The following PLEKHA5 variants were observed in gnomAD, a reference collection of about 807,000 sequenced individuals.
The protein encoded by PLEKHA5 is pleckstrin homology domain-containing family A member 5.
Under a neutral mutation model 181.9 loss-of-function variants are expected in PLEKHA5, and 55 were observed. The observed-to-expected ratio is 0.30, with a 90% CI of 0.24 to 0.38. The LOEUF (loss-of-function observed/expected upper bound fraction) is 0.38. Among genes scored for constraint, PLEKHA5 ranks in the 10% least tolerant of loss-of-function variants. PLEKHA5 has a pLI of 1.00. For synonymous variants in PLEKHA5, 535 were observed against 529.4 expected (o/e 1.01, Z -0.15); for missense variants, 1,432 against 1,549.5 (o/e 0.92, Z 1.27).
chr12:19,209,920 T>C (rs2056570617), intron 3 of PLEKHA5, among the ~76,000 whole-genome samples: 1 of 152,180 alleles, frequency 6.6e-6, no homozygotes, highest in South Asian at 2.1e-4. Flanking sequence ...ACAACAATGC[T>C]CCTGCTCATT....
chr12:19,209,185 A>G (rs1213632110), intron 3 of PLEKHA5, among the ~76,000 whole-genome samples: 1 of 152,140 alleles, frequency 6.6e-6, no homozygotes, highest in Non-Finnish European at 1.5e-5. Flanking sequence ...CTAAAATTGA[A>G]GGAAGAATAA....
intron 26 of PLEKHA5, 102 bp downstream of exon 26, chr12:19,354,104 A>T (rs962199897): frequency 1.2e-5 from 6 of 486,532 alleles, no homozygotes; most frequent in African/African-American, 1.2e-4. Context: ...ATTTTTGCAT[A>T]CTCAAAGAAA....
intron 18 of PLEKHA5, among the ~76,000 whole-genome samples, chr12:19,321,406 C>T (rs372001417): frequency 1.7e-3 from 205 of 124,064 alleles, no homozygotes; most frequent in Middle Eastern, 7.6e-3. Context: ...CTCTGTCACC[C>T]GGGTTGGAGT....
At chr12:19,143,188 T>A (rs565740506) in intron 3 of PLEKHA5, among the ~76,000 whole-genome samples, 1 of 152,214 alleles carries the variant, frequency 6.6e-6, no homozygotes, top group South Asian at 2.1e-4. Context: ...TTTTAATTTC[T>A]TGAGGAACCT....
chr12:19,239,145 A>C (rs2061971345), intron 3 of PLEKHA5, among the ~76,000 whole-genome samples: 1 of 152,206 alleles, frequency 6.6e-6, no homozygotes, highest in Non-Finnish European at 1.5e-5. Flanking sequence ...CAACACGAAG[A>C]AATGAATTGG....
intron 3 of PLEKHA5, among the ~76,000 whole-genome samples, chr12:19,164,779 TG>T (rs2043888489): frequency 2.6e-5 from 4 of 152,324 alleles, no homozygotes; most frequent in Non-Finnish European, 4.4e-5. Flanking sequence ...TCTTTCAATA[TG>T]TATCATCCAC....
intron 18 of PLEKHA5, 123 bp downstream of exon 18, chr12:19,320,747 C>T (rs2090440504): frequency 1.9e-6 from 1 of 526,032 alleles, no homozygotes; most frequent in Non-Finnish European, 3.4e-6. Flanking sequence ...CAGGTAAATT[C>T]ATATTTTATG....
At chr12:19,233,793 T>C (rs2060981745) in intron 3 of PLEKHA5, among the ~76,000 whole-genome samples, 1 of 152,232 alleles carries the variant, frequency 6.6e-6, no homozygotes, top group Non-Finnish European at 1.5e-5. Context: ...CTGGATTTTT[T>C]CTGTGGCTTT....
chr12:19,373,105 T>C (rs2095625135), intron 31 of PLEKHA5: 1 of 152,132 alleles, frequency 6.6e-6, no homozygotes, highest in Non-Finnish European at 1.5e-5. Context: ...TAGAAATGAC[T>C]GTTGAGGCCA....
intron 3 of PLEKHA5, among the ~76,000 whole-genome samples, chr12:19,184,505 C>T (rs1022977166): frequency 3.3e-5 from 5 of 152,132 alleles, no homozygotes; most frequent in African/African-American, 1.2e-4. Context: ...AGCTAGTCAT[C>T]ACAATGAAAT....
chr12:19,308,090 TGA>T (rs761747269), intron 15 of PLEKHA5, among the ~76,000 whole-genome samples: 28 of 151,314 alleles, frequency 1.9e-4, no homozygotes, highest in African/African-American at 5.4e-4. Flanking sequence ...GGTATGACAG[TGA>T]GAGAGAGGAA....
chr12:19,372,843 G>C (rs1260834280), intron 31 of PLEKHA5: 1 of 148,406 alleles, frequency 6.7e-6, no homozygotes, highest in Non-Finnish European at 1.5e-5. Context: ...GTGAGATCTT[G>C]GAGCCTTGCC....
Position 19,271,265 on chromosome 12 carries a change from C to T in PLEKHA5, c.845+1060C>T, listed in dbSNP as rs1186164061. ...GTGGCTCACACCTGTAATTCTAGCA[C>T]TTTGGGAGGTTGAGGGATCACTTGA... On this transcript the variant is annotated intron_variant, in intron 10 of 31. Coordinates refer to ENST00000429027, the MANE Select transcript of PLEKHA5 (RefSeq NM_001256470.2). Among the ~76,000 whole-genome samples the T allele has an allele frequency of 2.0e-5, 3 of 152,254 alleles. No individual in the cohort carries two copies. The East Asian group carries it at 5.8e-4, about 29-fold the overall frequency.
chr12:19,248,170 T>G (rs1592196376), intron 3 of PLEKHA5, among the ~76,000 whole-genome samples: 1 of 151,932 alleles, frequency 6.6e-6, no homozygotes, highest in African/African-American at 2.4e-5. Flanking sequence ...CTGCAGAGAG[T>G]TGTGTTCACA....
chr12:19,337,344 G>A (rs921345047), intron 21 of PLEKHA5, among the ~76,000 whole-genome samples: 3 of 151,984 alleles, frequency 2.0e-5, no homozygotes, highest in Admixed American at 2.0e-4. Context: ...CCTGAGGTCA[G>A]GAGTTTGAGA....
intron 28 of PLEKHA5, among the ~76,000 whole-genome samples, chr12:19,361,324 A>T (rs2095234132): frequency 6.6e-6 from 1 of 151,996 alleles, no homozygotes; most frequent in Non-Finnish European, 1.5e-5. Context: ...CTGGGACTAC[A>T]GGCGCCCGCC....
intron 3 of PLEKHA5, among the ~76,000 whole-genome samples, chr12:19,253,149 A>C (rs925212200): frequency 7.6e-6 from 1 of 131,552 alleles, no homozygotes; most frequent in Non-Finnish European, 1.5e-5. Context: ...ATCTCAGCTC[A>C]CTGCAACCTC....
rs147365029 is a variant in PLEKHA5, at chr12:19,267,335, G to A, written c.711+1485G>A. 2.0e-3 allele frequency among the ~76,000 whole-genome samples: 298 copies of A among 152,244 alleles called. 3 individuals are homozygous for A. The highest frequency in any genetic ancestry group is 6.8e-3 in the African/African-American group (284 of 41,550). On this transcript the variant is annotated intron_variant, in intron 8 of 31. Coordinates refer to ENST00000429027, the MANE Select transcript of PLEKHA5 (RefSeq NM_001256470.2). ...CTTGTAGAGAATACTGAGGACTGCAGCTGATTTATAACTTTTGCTAATTAA... is the reference window on the plus strand; with the variant it reads ...CTTGTAGAGAATACTGAGGACTGCAACTGATTTATAACTTTTGCTAATTAA...
intron 3 of PLEKHA5, chr12:19,147,149 A>G (rs2039125750): frequency 6.6e-6 from 1 of 152,234 alleles, no homozygotes; most frequent in African/African-American, 2.4e-5. Flanking sequence ...AAATGTGATC[A>G]TTTAGTCTTC....
Sources: allele counts gnomAD v4.1 joint callset (sites outside exome capture counted in the v4.1 genomes callset), GRCh38; gene constraint gnomAD v4.1.1; transcripts MANE v1.5; gene names NCBI Gene and HGNC (gene_info 2026-07-23, HGNC 2026-07-21).